ITGA8: variants seen among roughly 807,000 people sequenced by gnomAD.
ITGA8 encodes integrin alpha-8.
A neutral mutation model predicts 142.3 loss-of-function variants in ITGA8; 91 were observed. The ratio of observed to expected loss-of-function variants is 0.64; its 90% CI spans 0.54 to 0.76. ITGA8 has a LOEUF of 0.76. Ranked by LOEUF, ITGA8 falls within the 30% of genes least tolerant of loss-of-function variation. The pLI is 0.00. For missense variants in ITGA8, 1,406 were observed against 1,327.7 expected, an observed-to-expected ratio of 1.06 and a Z score of -0.92; for synonymous variants, 505 against 485.2, an observed-to-expected ratio of 1.04 and a Z score of -0.54.
chr10:15,517,196 T>G lies in ITGA8; in HGVS notation c.3154A>C (p.Arg1052=). The G allele has an allele frequency of 6.2e-7, 1 of 1,613,446 alleles. No individual in the cohort carries two copies. Among genetic ancestry groups the G allele is most frequent in the Non-Finnish European group, 8.5e-7 (1 of 1,179,528 alleles). ...ARPPQEDMTD[R]EQLTNDKTPE... ...GTCTTGTCATTTGTCAGCTGTTCCC[T>G]GTCGGTCATGTCCTCCTGAGGAGGT... Residue 1052 remains arginine, a synonymous_variant, in exon 30 of 30, where the codon AGG becomes CGG. Transcript: ENST00000378076.
At chr10:15,548,595 G>C in intron 26 of ITGA8, 27 bp from the exon 27 acceptor site, 2 of 1,461,490 alleles carry the variant, frequency 1.4e-6, no homozygotes, top group Non-Finnish European at 1.9e-6. Context: ...GAACACGTCA[G>C]AGTCTTTAAA....
At chr10:15,526,853 C>T (rs1470160418) in intron 28 of ITGA8, among the ~76,000 whole-genome samples, 3 of 152,134 alleles carry the variant, frequency 2.0e-5, no homozygotes, top group Non-Finnish European at 2.9e-5. Context: ...TTACCTTCAT[C>T]ATGTCATAAA....
chr10:15,694,228 TATG>T (rs1834991996), intron 2 of ITGA8, among the ~76,000 whole-genome samples: 1 of 139,282 alleles, frequency 7.2e-6, no homozygotes, highest in Admixed American at 7.6e-5. Flanking sequence ...ATATCATATA[TATG>T]ATAATATATC....
chr10:15,613,170 A>ATAAT (rs1554777865), intron 15 of ITGA8, among the ~76,000 whole-genome samples: 2 of 36,134 alleles, frequency 5.5e-5, no homozygotes, highest in Admixed American at 2.9e-4. Context: ...CAATAAATAA[A>ATAAT]AAATAAATAA....
intron 2 of ITGA8, among the ~76,000 whole-genome samples, chr10:15,689,411 C>T (rs964652782): frequency 1.3e-5 from 2 of 152,168 alleles, no homozygotes; most frequent in African/African-American, 2.4e-5. Flanking sequence ...CTCGCCTCCA[C>T]CATTTCATCT....
intron 2 of ITGA8, among the ~76,000 whole-genome samples, chr10:15,716,670 A>ATT (rs796458374): frequency 0.18 from 23,900 of 134,988 alleles, 2,345 homozygotes; most frequent in Middle Eastern, 0.27. Flanking sequence ...AACCTATTGT[A>ATT]TTTTTTTTTT....
chr10:15,551,956 G>A (rs541237039), intron 26 of ITGA8, among the ~76,000 whole-genome samples: 3 of 152,052 alleles, frequency 2.0e-5, no homozygotes, highest in African/African-American at 7.2e-5. Context: ...ATGATATTCG[G>A]AAGTTTAAAA....
intron 28 of ITGA8, among the ~76,000 whole-genome samples, chr10:15,519,814 C>T (rs532843873): frequency 2.6e-4 from 39 of 152,252 alleles, no homozygotes; most frequent in African/African-American, 9.1e-4. Context: ...ACTCAGCTAG[C>T]CTCATTGAGA....
At position 15,517,026 on chromosome 10, in the gene ITGA8, GTTTCCAGGGTCCC is replaced by G; in HGVS notation, c.*119_*131del. ...CAAAGTGCGGTGTAGATGAGGTGAT[GTTTCCAGGGTCCC>G]CTCCATTTCCTGGGTCACTGTCAGG... On this transcript the variant is annotated 3_prime_UTR_variant, in exon 30 of 30. Coordinates refer to ENST00000378076, the MANE Select transcript of ITGA8 (RefSeq NM_003638.3). 1 of 487,042 alleles carries G rather than the reference GTTTCCAGGGTCCC, an allele frequency of 2.1e-6. No homozygotes were observed. Among genetic ancestry groups the G allele is most frequent in the South Asian group, 3.7e-5 (1 of 27,140 alleles). 30.2% of individuals were successfully genotyped at this position (487,042 alleles called of 1,614,324 possible).
At chr10:15,690,075 T>C (rs1834904672) in intron 2 of ITGA8, among the ~76,000 whole-genome samples, 1 of 152,094 alleles carries the variant, frequency 6.6e-6, no homozygotes, top group Non-Finnish European at 1.5e-5. Flanking sequence ...TAGCTTTCTC[T>C]GAGCTGTACT....
rs897059055 is a variant in ITGA8, at chr10:15,643,242, G to A, written c.1399+788C>T. Among the ~76,000 whole-genome samples, 3 of 152,202 alleles carry A rather than the reference G, an allele frequency of 2.0e-5. No homozygotes were observed. In the East Asian group the frequency reaches 5.8e-4, roughly 29 times the overall value. ...GTTCTTTTTTTCTCCACTTTAAAATGTTCAGTCTATCTTTGGAAAACCACA... is the reference window on the plus strand; with the variant it reads ...GTTCTTTTTTTCTCCACTTTAAAATATTCAGTCTATCTTTGGAAAACCACA... On this transcript the variant is annotated intron_variant, in intron 13 of 29. Coordinates refer to ENST00000378076, the MANE Select transcript of ITGA8 (RefSeq NM_003638.3).
Position 15,671,673 on chromosome 10 carries a change from T to G in ITGA8, c.803-26A>C, listed in dbSNP as rs189847135. ...CTGTTTTAAAGAAAAAGAAACAAAC[T>G]AATCACACTTAATGACTTAACCTAA... is the stretch of plus-strand genomic sequence containing the variant. On this transcript the variant is annotated intron_variant, in intron 7 of 29. Coordinates refer to ENST00000378076, the MANE Select transcript of ITGA8 (RefSeq NM_003638.3). 152 of 1,561,536 alleles carry G rather than the reference T, an allele frequency of 9.7e-5. 1 individual carries two copies. The African/African-American group carries it at 1.9e-3, about 19-fold the overall frequency.
At chr10:15,714,735 T>C (rs1226088787) in intron 2 of ITGA8, among the ~76,000 whole-genome samples, 1 of 152,018 alleles carries the variant, frequency 6.6e-6, no homozygotes. Context: ...TTTTAGAAAA[T>C]GGCAATTGAC....
chr10:15,628,417 C>T (rs1381475682), intron 13 of ITGA8, among the ~76,000 whole-genome samples: 2 of 149,100 alleles, frequency 1.3e-5, no homozygotes, highest in Non-Finnish European at 3.0e-5. Context: ...ACTGCAAGCT[C>T]CGCCTCCTGG....
At chr10:15,711,656 C>T (rs186018222) in intron 2 of ITGA8, among the ~76,000 whole-genome samples, 2 of 151,988 alleles carry the variant, frequency 1.3e-5, no homozygotes, top group South Asian at 2.1e-4. Flanking sequence ...CAACCTCCCC[C>T]CCAAAAGATT....
chr10:15,584,527 A>G (rs531884806), intron 23 of ITGA8, among the ~76,000 whole-genome samples: 38 of 152,264 alleles, frequency 2.5e-4, no homozygotes, highest in African/African-American at 8.9e-4. Flanking sequence ...CAGAAACTTC[A>G]CCCACTTCTC....
chr10:15,570,796 A>G (rs1834166182), intron 25 of ITGA8, among the ~76,000 whole-genome samples: 1 of 152,184 alleles, frequency 6.6e-6, no homozygotes, highest in Admixed American at 6.5e-5. Flanking sequence ...TGTACATTAA[A>G]CCAGTTACAT....
At chr10:15,660,831 C>T (rs761039605) in intron 9 of ITGA8, 48 bp downstream of exon 9, 6 of 1,438,088 alleles carry the variant, frequency 4.2e-6, no homozygotes, top group Non-Finnish European at 3.9e-6. Flanking sequence ...TCAAGGAGCA[C>T]CTATACAAGA....
chr10:15,578,634 A>G (rs1214992493), intron 23 of ITGA8, among the ~76,000 whole-genome samples: 2 of 152,130 alleles, frequency 1.3e-5, no homozygotes, highest in Non-Finnish European at 2.9e-5. Context: ...AAACCCTATC[A>G]TTCCCAAATA....
Sources: allele counts gnomAD v4.1 joint callset (sites outside exome capture counted in the v4.1 genomes callset), GRCh38; gene constraint gnomAD v4.1.1; transcripts MANE v1.5; gene names NCBI Gene and HGNC (gene_info 2026-07-23, HGNC 2026-07-21).